Variants in CALN1 observed in about 807,000 individuals in gnomAD.
CALN1 encodes calneuron 1, also known as calcium-binding protein 8.
A neutral mutation model predicts 30.6 loss-of-function variants in CALN1; 17 were observed. The ratio of observed to expected loss-of-function variants is 0.56; its 90% CI spans 0.38 to 0.83. The LOEUF (loss-of-function observed/expected upper bound fraction) is 0.83, where lower values mean the gene tolerates loss of function less well. CALN1 is among the 40% of genes least tolerant of loss of function. The pLI is 0.00. For synonymous variants in CALN1, 156 were observed against 131.4 expected (o/e 1.19, Z -1.28); for missense variants, 291 against 354.9 (o/e 0.82, Z 1.45).
At chr7:72,123,746 G>A (rs1808554268) in intron 3 of CALN1, among the ~76,000 whole-genome samples, 1 of 152,138 alleles carries the variant, frequency 6.6e-6, no homozygotes, top group Non-Finnish European at 1.5e-5. Flanking sequence ...ATAAAGAGCT[G>A]ACTATGAAGG....
chr7:71,827,834 T>A (rs551772849), intron 5 of CALN1, among the ~76,000 whole-genome samples: 32 of 150,820 alleles, frequency 2.1e-4, no homozygotes, highest in African/African-American at 7.3e-4. Context: ...GAAAGTCACA[T>A]TGAGAAGGTG....
chr7:72,209,262 TTCCTTCCCTCCTTCCCTCTTTCCTTCCC>T (rs1792167418), intron 3 of CALN1, among the ~76,000 whole-genome samples: 1 of 82,770 alleles, frequency 1.2e-5, no homozygotes, highest in Non-Finnish European at 2.2e-5. Flanking sequence ...CCTTCCCTCT[TTCCTTCCCTCCTTCCCTCTTTCCTTCCC>T]TCCTTCCCTC....
At chr7:72,293,867 C>G (rs984987634) in intron 2 of CALN1, among the ~76,000 whole-genome samples, 1 of 152,102 alleles carries the variant, frequency 6.6e-6, no homozygotes, top group South Asian at 2.1e-4. Flanking sequence ...GAGGCCAAGG[C>G]AGGCAGATCA....
chr7:71,790,147 GAAGA>G (rs1793242001), intron 6 of CALN1, among the ~76,000 whole-genome samples: 2 of 116,070 alleles, frequency 1.7e-5, no homozygotes, highest in South Asian at 5.4e-4. Flanking sequence ...AAGAAAGAAA[GAAGA>G]AAGAGAAAGA....
chr7:72,363,476 TG>T (rs1413412432), intron 2 of CALN1, among the ~76,000 whole-genome samples: 1 of 152,024 alleles, frequency 6.6e-6, no homozygotes, highest in Non-Finnish European at 1.5e-5. Flanking sequence ...TGACCTCAGG[TG>T]ATCTGCCTGC....
chr7:72,402,529 G>A (rs1806411151), intron 2 of CALN1, among the ~76,000 whole-genome samples: 1 of 152,160 alleles, frequency 6.6e-6, no homozygotes. Flanking sequence ...CCAATTCCTT[G>A]ATGCCAGCAT....
At chr7:71,855,417 C>T (rs1015093940) in intron 5 of CALN1, among the ~76,000 whole-genome samples, 4 of 151,120 alleles carry the variant, frequency 2.6e-5, no homozygotes, top group Non-Finnish European at 4.4e-5. Flanking sequence ...CTACATTGGG[C>T]GGTGCTTCAT....
chr7:72,053,768 T>C (rs1802992135), intron 4 of CALN1, among the ~76,000 whole-genome samples: 2 of 152,064 alleles, frequency 1.3e-5, no homozygotes, highest in African/African-American at 4.8e-5. Context: ...CCATATTTGT[T>C]GTCTTTTATC....
At chr7:72,342,878 T>C (rs1317691562) in intron 2 of CALN1, among the ~76,000 whole-genome samples, 2 of 152,072 alleles carry the variant, frequency 1.3e-5, no homozygotes, top group Non-Finnish European at 2.9e-5. Flanking sequence ...ATTCAAAAAA[T>C]ACATGTTGGA....
intron 3 of CALN1, among the ~76,000 whole-genome samples, chr7:72,179,387 A>G (rs1289065528): frequency 6.6e-6 from 1 of 152,156 alleles, no homozygotes; most frequent in Non-Finnish European, 1.5e-5. Context: ...TGGCAAATAC[A>G]TCTGCCCCCA....
At chr7:71,804,469 C>T (rs991852594) in intron 6 of CALN1, among the ~76,000 whole-genome samples, 1 of 152,200 alleles carries the variant, frequency 6.6e-6, no homozygotes. Context: ...GGTTGTGCCA[C>T]TGCATTCCAG....
At chr7:71,956,944 C>A (rs1796990277) in intron 5 of CALN1, among the ~76,000 whole-genome samples, 2 of 151,668 alleles carry the variant, frequency 1.3e-5, no homozygotes, top group Admixed American at 1.3e-4. Flanking sequence ...GTGATCCACC[C>A]ACCTTGGCCT....
At chr7:72,271,260 GGTC>G (rs1381289868) in intron 3 of CALN1, among the ~76,000 whole-genome samples, 1 of 152,038 alleles carries the variant, frequency 6.6e-6, no homozygotes, top group African/African-American at 2.4e-5. Flanking sequence ...CGTATCTTGA[GGTC>G]ATCAGCACGT....
In CALN1 at chr7:71,842,414, AT is replaced by A. The variant is rs1368244090; in HGVS notation, c.502-31923del. On this transcript the variant is annotated intron_variant, in intron 5 of 6. Coordinates refer to ENST00000395275, the MANE Select transcript of CALN1 (RefSeq NM_031468.4). ...TTTTGTCTGGGTTCTTAGAGACAGA[AT>A]CCATTCTCACCTAAGATCAAGGGAT... Among the ~76,000 whole-genome samples, 10 of 152,318 alleles carry A rather than the reference AT, an allele frequency of 6.6e-5. No homozygotes were observed. The East Asian group carries it at 1.9e-3, about 29-fold the overall frequency.
chr7:72,216,829 G>A (rs1792850415), intron 3 of CALN1, among the ~76,000 whole-genome samples: 1 of 152,178 alleles, frequency 6.6e-6, no homozygotes, highest in African/African-American at 2.4e-5. Context: ...ACGGCTTACA[G>A]CAGACTCAAC....
At chr7:71,851,247 A>ACACACACACG (rs936221327) in intron 5 of CALN1, among the ~76,000 whole-genome samples, 2 of 150,324 alleles carry the variant, frequency 1.3e-5, no homozygotes, top group African/African-American at 5.0e-5. Flanking sequence ...ACACACACAC[A>ACACACACACG]CACACATCAC....
intron 6 of CALN1, among the ~76,000 whole-genome samples, chr7:71,793,582 C>T (rs545654313): frequency 3.1e-4 from 47 of 152,062 alleles, no homozygotes; most frequent in African/African-American, 1.1e-3. Context: ...TAAGATCTAT[C>T]TTTGTTGGGC....
intron 2 of CALN1, among the ~76,000 whole-genome samples, chr7:72,358,667 G>C (rs1803382073): frequency 6.6e-6 from 1 of 152,050 alleles, no homozygotes. Context: ...AATAACATTG[G>C]CGGCCAGGCG....
intron 2 of CALN1, among the ~76,000 whole-genome samples, chr7:72,308,933 T>C (rs988197296): frequency 3.9e-5 from 6 of 152,180 alleles, no homozygotes; most frequent in Admixed American, 6.5e-5. Flanking sequence ...TGCAGGAAAA[T>C]AGTAAACATT....
Sources: gnomAD v4.1 joint callset for allele counts (sites outside exome capture counted in the v4.1 genomes callset) on GRCh38, gnomAD v4.1.1 for gene constraint, MANE v1.5 for transcripts, NCBI Gene and HGNC (gene_info 2026-07-23, HGNC 2026-07-21) for gene names.